BBOX1: variants seen among roughly 807,000 people sequenced by gnomAD.
BBOX1 encodes gamma-butyrobetaine hydroxylase 1, also known as gamma-butyrobetaine dioxygenase.
BBOX1 carries 35 observed loss-of-function variants against 41.6 expected under a neutral mutation model. The observed-to-expected ratio is 0.84, with a 90% CI of 0.64 to 1.11. The LOEUF (loss-of-function observed/expected upper bound fraction) is 1.11. Among genes scored for constraint, BBOX1 ranks in the 50% most tolerant of loss-of-function variants. The probability of loss-of-function intolerance (pLI) is 0.00; values close to 1 mark genes in which losing one functional copy is unlikely to be tolerated. For synonymous variants in BBOX1, 163 were observed against 154.7 expected (o/e 1.05, Z -0.40); for missense variants, 458 against 460.6 (o/e 0.99, Z 0.05).
intron 8 of BBOX1, among the ~76,000 whole-genome samples, chr11:27,126,901 G>C (rs1194306701): frequency 6.6e-6 from 1 of 151,958 alleles, no homozygotes; most frequent in African/African-American, 2.4e-5. Flanking sequence ...GTCTAGATCT[G>C]CTGACCTCGT....
intron 4 of BBOX1, among the ~76,000 whole-genome samples, chr11:27,084,609 C>G (rs1857968950): frequency 6.6e-6 from 1 of 152,074 alleles, no homozygotes; most frequent in African/African-American, 2.4e-5. Flanking sequence ...TGGCTGATCC[C>G]CTGCATATTC....
At chr11:27,078,712 G>C (rs1488221037) in intron 4 of BBOX1, among the ~76,000 whole-genome samples, 3 of 152,146 alleles carry the variant, frequency 2.0e-5, no homozygotes, top group Non-Finnish European at 4.4e-5. Context: ...TGTTAGAAGA[G>C]AAGGTAAAAG....
intron 4 of BBOX1, among the ~76,000 whole-genome samples, chr11:27,060,452 C>T (rs1304884881): frequency 6.6e-6 from 1 of 152,102 alleles, no homozygotes; most frequent in Admixed American, 6.6e-5. Context: ...TACACAGTCT[C>T]AGGTATTTAT....
intron 5 of BBOX1, among the ~76,000 whole-genome samples, chr11:27,104,849 G>T (rs752219166): frequency 6.6e-6 from 1 of 152,156 alleles, no homozygotes; most frequent in Non-Finnish European, 1.5e-5. Context: ...CCCATTAGGG[G>T]CAGACTGACA....
chr11:27,104,314 T>C (rs1379914671), intron 5 of BBOX1, among the ~76,000 whole-genome samples: 2 of 152,192 alleles, frequency 1.3e-5, no homozygotes, highest in Non-Finnish European at 2.9e-5. Flanking sequence ...TGCTTCTCTC[T>C]GCTTTCTCCT....
intron 4 of BBOX1, among the ~76,000 whole-genome samples, chr11:27,069,947 G>T (rs1008047545): frequency 2.0e-5 from 3 of 151,974 alleles, no homozygotes; most frequent in Non-Finnish European, 4.4e-5. Context: ...CATCACAGAG[G>T]TTTTCATAAC....
chr11:27,080,776 G>C (rs1353573451), intron 4 of BBOX1, among the ~76,000 whole-genome samples: 3 of 151,968 alleles, frequency 2.0e-5, no homozygotes, highest in Non-Finnish European at 4.4e-5. Flanking sequence ...GAAGATTTGA[G>C]GATAGAAAAC....
At chr11:27,103,170 G>A (rs1032990239) in intron 5 of BBOX1, among the ~76,000 whole-genome samples, 3 of 152,056 alleles carry the variant, frequency 2.0e-5, no homozygotes, top group Non-Finnish European at 4.4e-5. Context: ...GCAACAGTGT[G>A]AGACTCCATC....
intron 2 of BBOX1, among the ~76,000 whole-genome samples, chr11:27,052,457 A>G (rs984016057): frequency 6.6e-6 from 1 of 152,100 alleles, no homozygotes; most frequent in Non-Finnish European, 1.5e-5. Flanking sequence ...TAACAGAATG[A>G]AACCCAAACT....
chr11:27,110,663 G>GT (rs1859028691), intron 5 of BBOX1, among the ~76,000 whole-genome samples: 2 of 151,864 alleles, frequency 1.3e-5, no homozygotes, highest in South Asian at 4.1e-4. Flanking sequence ...CATCATCTCT[G>GT]TAATAATACT....
intron 4 of BBOX1, among the ~76,000 whole-genome samples, chr11:27,085,893 T>C (rs376316917): frequency 6.6e-6 from 1 of 152,104 alleles, no homozygotes; most frequent in Admixed American, 6.6e-5. Flanking sequence ...ACAGCCTTAC[T>C]GCTGATGTGG....
In BBOX1 at chr11:27,063,292, T is replaced by C. The variant is rs368038431; in HGVS notation, c.334+5977T>C. 3.9e-5 allele frequency among the ~76,000 whole-genome samples: 6 copies of C among 152,164 alleles called. No homozygotes were observed. The South Asian group carries it at 1.0e-3, about 26-fold the overall frequency. On this transcript the variant is annotated intron_variant, in intron 4 of 8. Coordinates refer to ENST00000263182, the MANE Select transcript of BBOX1 (RefSeq NM_003986.3). The stretch of plus-strand genomic sequence containing the variant: ...AGACAAGGTTTTTATGTACTAATTA[T>C]AATTTAGCTCTCGTGAAATTTTGGC...
At chr11:27,107,744 G>A (rs563984863) in intron 5 of BBOX1, among the ~76,000 whole-genome samples, 1 of 152,094 alleles carries the variant, frequency 6.6e-6, no homozygotes, top group East Asian at 1.9e-4. Flanking sequence ...TCCCATCCAA[G>A]TACTAACCAG....
chr11:27,046,436 A>C (rs558267178), intron 2 of BBOX1: 11 of 59,308 alleles, frequency 1.9e-4, no homozygotes, highest in East Asian at 1.8e-3. Context: ...GAAACACACC[A>C]CAGACACACA....
intron 5 of BBOX1, among the ~76,000 whole-genome samples, chr11:27,101,127 A>G (rs1485993153): frequency 2.0e-5 from 3 of 152,100 alleles, no homozygotes; most frequent in Non-Finnish European, 4.4e-5. Flanking sequence ...CCTTTATACC[A>G]TGCTACTATG....
intron 4 of BBOX1, among the ~76,000 whole-genome samples, chr11:27,086,755 C>T (rs1351083168): frequency 1.3e-5 from 2 of 151,874 alleles, no homozygotes; most frequent in African/African-American, 2.4e-5. Context: ...TGGCTGTGGG[C>T]AAAATAAATT....
chr11:27,053,167 G>A (rs1349566585), intron 2 of BBOX1, among the ~76,000 whole-genome samples: 1 of 152,146 alleles, frequency 6.6e-6, no homozygotes, highest in African/African-American at 2.4e-5. Flanking sequence ...TGGTTGTCTG[G>A]AACTTCAAAG....
chr11:27,046,698 A>G (rs911363853), intron 2 of BBOX1, among the ~76,000 whole-genome samples: 1 of 152,148 alleles, frequency 6.6e-6, no homozygotes. Flanking sequence ...AATTCATCCT[A>G]TATAGCTAGG....
At chr11:27,088,089 T>A (rs948460612) in intron 4 of BBOX1, among the ~76,000 whole-genome samples, 5 of 151,958 alleles carry the variant, frequency 3.3e-5, no homozygotes, top group Admixed American at 3.3e-4. Flanking sequence ...GGTGAGTGTG[T>A]GTGGGTGCTA....
Sources: gnomAD v4.1 joint callset for allele counts (sites outside exome capture counted in the v4.1 genomes callset) on GRCh38, gnomAD v4.1.1 for gene constraint, MANE v1.5 for transcripts, NCBI Gene and HGNC (gene_info 2026-07-23, HGNC 2026-07-21) for gene names.